The following MAST2 variants were observed in gnomAD, a reference collection of about 807,000 sequenced individuals.
The protein encoded by MAST2 is microtubule-associated serine/threonine-protein kinase 2.
In MAST2, 70 loss-of-function variants were observed where a neutral mutation model predicts 147.4. That is an observed-to-expected ratio of 0.47 (90% confidence interval 0.39 to 0.58). The LOEUF is 0.58. Among genes scored for constraint, MAST2 ranks in the 20% least tolerant of loss-of-function variants. The pLI, the probability that MAST2 is intolerant of heterozygous loss-of-function variation, is 0.00. For missense variants in MAST2, 2,080 were observed against 2,302.3 expected (o/e 0.90, Z 1.98); for synonymous variants, 869 against 896.8 (o/e 0.97, Z 0.55).
chr1:45,959,280 G>C (rs1660067184), intron 4 of MAST2, 106 bp from the exon 5 acceptor site: 2 of 762,360 alleles, frequency 2.6e-6, no homozygotes, highest in South Asian at 1.6e-5. Context: ...GAAGTATACT[G>C]TGCGGCCCGT....
At chr1:45,823,127 AC>A (rs1481168962) in intron 1 of MAST2, among the ~76,000 whole-genome samples, 5 of 151,864 alleles carry the variant, frequency 3.3e-5, no homozygotes, top group African/African-American at 4.8e-5. Context: ...TTGGATAGTC[AC>A]CACCAACCAA....
At chr1:45,916,346 A>G (rs1652503613) in intron 4 of MAST2, among the ~76,000 whole-genome samples, 1 of 152,232 alleles carries the variant, frequency 6.6e-6, no homozygotes, top group Non-Finnish European at 1.5e-5. Context: ...AGCCATGCCA[A>G]TAAGGTAGCA....
chr1:45,912,675 A>G (rs946882548), intron 4 of MAST2, among the ~76,000 whole-genome samples: 1 of 152,210 alleles, frequency 6.6e-6, no homozygotes, highest in South Asian at 2.1e-4. Flanking sequence ...AGGGGACAAG[A>G]CTTGCTTCTC....
intron 1 of MAST2, 75 bp downstream of exon 1, chr1:45,804,147 C>T: frequency 8.6e-7 from 1 of 1,161,514 alleles, no homozygotes. Context: ...CGGGAGGACC[C>T]GGGCTGGAGC....
chr1:45,965,551 G>A (rs1661063393), intron 5 of MAST2, among the ~76,000 whole-genome samples: 1 of 152,040 alleles, frequency 6.6e-6, no homozygotes, highest in Non-Finnish European at 1.5e-5. Flanking sequence ...TGCAACCCCT[G>A]CCTTTCTTTG....
intron 4 of MAST2, among the ~76,000 whole-genome samples, chr1:45,901,504 G>T (rs1308988190): frequency 6.6e-6 from 1 of 152,122 alleles, no homozygotes; most frequent in Non-Finnish European, 1.5e-5. Flanking sequence ...GGTTCCATAT[G>T]AATTTTGGAA....
At position 46,034,785 on chromosome 1, in the gene MAST2, G is replaced by T. The variant is rs1646831758; in HGVS notation, c.4116G>T (p.Gln1372His). The T allele has an allele frequency of 6.2e-7, 1 of 1,613,758 alleles. No individual in the cohort carries two copies. Among genetic ancestry groups the T allele is most frequent in the African/African-American group, 1.3e-5 (1 of 74,894 alleles). Residue 1372 changes from glutamine to histidine, a missense_variant, in exon 29 of 29, where the codon CAG (glutamine) becomes CAT (histidine). Around this residue, in one of 4 missense-constraint regions of MAST2, gnomAD observed 1,278 missense variants for 1,304.2 expected, o/e 0.98. Coordinates refer to ENST00000361297, the MANE Select transcript of MAST2 (RefSeq NM_015112.3). ...SPSPLSGHVAQAFPTKLHLSP... is the reference protein window; with the variant it reads ...SPSPLSGHVAHAFPTKLHLSP... ...CGCCCCTGTCTGGCCATGTAGCCCA[G>T]GCCTTTCCCACAAAGCTTCACTTGT...
rs1317103889 is a variant in MAST2 at position 45,997,819 on chromosome 1, C to T, written c.668+20C>T. The stretch of plus-strand genomic sequence containing the variant: ...CCGTAGGTAAGTTGATAGGAAACCT[C>T]CTCTGGGACCAGCACATGTGGCACT... On this transcript the variant is annotated intron_variant, in intron 6 of 28. Coordinates refer to ENST00000361297, the MANE Select transcript of MAST2 (RefSeq NM_015112.3). The T allele has an allele frequency of 6.2e-7, 1 of 1,604,482 alleles. No individual in the cohort carries two copies. The highest frequency in any genetic ancestry group is 8.5e-7 in the Non-Finnish European group (1 of 1,171,232).
intron 5 of MAST2, among the ~76,000 whole-genome samples, chr1:45,994,264 C>A (rs959849566): frequency 1.4e-5 from 2 of 141,232 alleles, no homozygotes; most frequent in East Asian, 2.1e-4. Context: ...TGGCTCAAAG[C>A]CCTAACCCTC....
intron 6 of MAST2, chr1:46,000,907 A>G: frequency 8.0e-7 from 1 of 1,244,182 alleles, no homozygotes; most frequent in Non-Finnish European, 1.1e-6. Context: ...CAAAAAGATC[A>G]CTCTCTCTGG....
intron 4 of MAST2, among the ~76,000 whole-genome samples, chr1:45,911,119 A>C (rs1007675726): frequency 1.3e-5 from 2 of 152,174 alleles, no homozygotes; most frequent in African/African-American, 4.8e-5. Context: ...AATGAATAAG[A>C]GAAGGCAGGT....
chr1:45,894,006 G>C (rs1648301217), intron 4 of MAST2, among the ~76,000 whole-genome samples: 1 of 152,118 alleles, frequency 6.6e-6, no homozygotes, highest in African/African-American at 2.4e-5. Context: ...CTTGAGCTCA[G>C]GAGTTTGAGA....
chr1:45,889,963 T>TC (rs1419354244), intron 4 of MAST2, among the ~76,000 whole-genome samples: 1 of 152,118 alleles, frequency 6.6e-6, no homozygotes, highest in Non-Finnish European at 1.5e-5. Context: ...CATGATGGTC[T>TC]CAATCTTTTG....
intron 4 of MAST2, among the ~76,000 whole-genome samples, chr1:45,884,563 A>C (rs922229163): frequency 2.6e-5 from 4 of 152,136 alleles, no homozygotes; most frequent in African/African-American, 9.7e-5. Flanking sequence ...AAATAAATAA[A>C]TAAATAAATA....
At position 46,019,606 on chromosome 1, in the gene MAST2, G is replaced by A. The variant is rs1646100413; in HGVS notation, c.1199G>A (p.Arg400His). ...TTCTTTTCTCTATAGGCTCATGAGCGCTCAGAGAGCTCAGAAGTGGCTTTT... is the reference window on the plus strand; with the variant it reads ...TTCTTTTCTCTATAGGCTCATGAGCACTCAGAGAGCTCAGAAGTGGCTTTT... ...LEKLLQDAHE[R>H]SESSEVAFVM... is the part of the protein sequence containing the mutation. Residue 400 changes from arginine to histidine, a missense_variant, in exon 11 of 29, where the codon CGC becomes CAC. Physicochemically the swap from Arg to His is conservative, Grantham distance 29. Transcript: ENST00000361297. 5.0e-6 allele frequency: 8 copies of A among 1,613,740 alleles called. No individual in the cohort carries two copies. The highest frequency in any genetic ancestry group is 5.9e-6 in the Non-Finnish European group (7 of 1,179,860).
rs757893987 is a variant in MAST2 at position 46,034,062 on chromosome 1, T to C, written c.3675-11T>C. On this transcript the variant is annotated splice_polypyrimidine_tract_variant and intron_variant, in intron 27 of 28. Coordinates refer to ENST00000361297, the MANE Select transcript of MAST2 (RefSeq NM_015112.3). The stretch of plus-strand genomic sequence containing the variant: ...CTGCACCGACTCAGCCTTTGACCCT[T>C]ATCCCCGCAGCAGAAAAAGGAGCTC... 4 of 1,611,620 alleles carry C rather than the reference T, an allele frequency of 2.5e-6. No individual in the cohort carries two copies. The highest frequency in any genetic ancestry group is 2.2e-5 in the East Asian group (1 of 44,886).
chr1:45,948,549 T>C (rs911534086), intron 4 of MAST2, among the ~76,000 whole-genome samples: 1 of 151,028 alleles, frequency 6.6e-6, no homozygotes, highest in Non-Finnish European at 1.5e-5. Context: ...CTAGTAAAAA[T>C]ACAAAAAATT....
In MAST2 at chr1:45,962,832, C is replaced by A. The variant is rs146472632; in HGVS notation, c.592+3355C>A. Among the ~76,000 whole-genome samples the A allele has an allele frequency of 7.4e-3, 1,125 of 152,144 alleles. 16 individuals are homozygous for A. The highest frequency in any genetic ancestry group is 0.026 in the African/African-American group (1,062 of 41,516). On this transcript the variant is annotated intron_variant, in intron 5 of 28. Coordinates refer to ENST00000361297, the MANE Select transcript of MAST2 (RefSeq NM_015112.3). ...TGCCATTGCTTTTAGACATGAAGTC[C>A]TTGCTCATGCCTATGTCCTGAATGG... is the stretch of plus-strand genomic sequence containing the variant.
rs1191188034 is a variant in MAST2 at position 45,811,655 on chromosome 1, A to G, written c.177+7583A>G. ...CACCCGGCTTTTTTTTTTTTTTGAC[A>G]CAGAGTCTCACTTTGTCACCCAGGC... is the stretch of plus-strand genomic sequence containing the variant. On this transcript the variant is annotated intron_variant, in intron 1 of 28. Transcript: ENST00000361297. Among the ~76,000 whole-genome samples the G allele has an allele frequency of 8.1e-5, 10 of 123,608 alleles. No individual in the cohort carries two copies. In the East Asian group the frequency reaches 1.7e-3, roughly 21 times the overall value. The allele number at this position is 123,608 out of a possible 152,430, so 81.1% of individuals were successfully genotyped here. A position where few individuals can be genotyped will look rare whatever the true frequency, so the allele number is the denominator to read the frequency against.
Sources: allele counts gnomAD v4.1 joint callset (sites outside exome capture counted in the v4.1 genomes callset), GRCh38; gene constraint gnomAD v4.1.1; regional missense constraint gnomAD v4.1.1; transcripts MANE v1.5; gene names NCBI Gene and HGNC (gene_info 2026-07-23, HGNC 2026-07-21).